The following RC3H2 variants were observed in gnomAD, a reference collection of about 807,000 sequenced individuals.
RC3H2 encodes the protein roquin-2.
In RC3H2, 31 loss-of-function variants were observed where a neutral mutation model predicts 133.3. That is an observed-to-expected ratio of 0.23 (90% CI 0.17 to 0.31). The LOEUF (loss-of-function observed/expected upper bound fraction) is 0.31. Ranked by LOEUF, RC3H2 falls within the 10% of genes least tolerant of loss-of-function variation. RC3H2 has a pLI of 1.00. For missense variants in RC3H2, 1,175 were observed against 1,437.2 expected (o/e 0.82, Z 2.95); for synonymous variants, 517 against 502.2 (o/e 1.03, Z -0.40).
At chr9:122,901,327 A>G (rs1026105727) in intron 1 of RC3H2, among the ~76,000 whole-genome samples, 3 of 152,228 alleles carry the variant, frequency 2.0e-5, no homozygotes, top group African/African-American at 7.2e-5. Context: ...TTGTTCTTAA[A>G]AAATGATATT....
chr9:122,887,741 C>CTTTTTTTTTTTTTTTTTTTT (rs112010654), intron 4 of RC3H2, among the ~76,000 whole-genome samples: 1 of 118,056 alleles, frequency 8.5e-6, no homozygotes, highest in Non-Finnish European at 1.7e-5. Context: ...ATACTTGTAT[C>CTTTTTTTTTTTTTTTTTTTT]TTTTTTTTTT....
In RC3H2 at chr9:122,845,293, G is replaced by A. The variant is rs966097117; in HGVS notation, c.*4334C>T. 1.3e-5 allele frequency: 2 copies of A among 152,200 alleles called. No homozygotes were observed. Among genetic ancestry groups the A allele is most frequent in the South Asian group, 4.1e-4 (2 of 4,836 alleles). The allele number at this position is 152,200 out of a possible 1,614,324, so 9.4% of individuals were successfully genotyped here. ...ACAGCAGTTGCTGCAAGCTAACCAC[G>A]ATACTCCCAAGTGGCTGTACAGTGG... On this transcript the variant is annotated 3_prime_UTR_variant, in exon 21 of 21. Coordinates refer to ENST00000357244, the MANE Select transcript of RC3H2 (RefSeq NM_001100588.3).
chr9:122,880,189 T>G, intron 6 of RC3H2, 64 bp from the exon 7 acceptor site: 1 of 1,509,974 alleles, frequency 6.6e-7, no homozygotes. Flanking sequence ...ACTCAAATAC[T>G]TTCAATTTAT....
In RC3H2 at chr9:122,851,590, C is replaced by T. The variant is rs552956386; in HGVS notation, c.3118-154G>A. ...TGCTGCCATCTCGGCTCACTGCAAC[C>T]TCCCTGCCTGATTCTCCTGCCTCAG... On this transcript the variant is annotated intron_variant, in intron 18 of 20. Transcript: ENST00000357244. 725 of 983,136 alleles carry T rather than the reference C, an allele frequency of 7.4e-4. 3 individuals are homozygous for T. In the African/African-American group the frequency reaches 0.011, roughly 14 times the overall value. The allele number at this position is 983,136 out of a possible 1,614,324, so 60.9% of individuals were successfully genotyped here.
At chr9:122,861,670 C>T (rs937680217) in intron 10 of RC3H2, among the ~76,000 whole-genome samples, 1 of 152,028 alleles carries the variant, frequency 6.6e-6, no homozygotes, top group East Asian at 1.9e-4. Flanking sequence ...TGCAGGAACT[C>T]AATACATTGC....
chr9:122,850,986 C>T, intron 20 of RC3H2, 95 bp downstream of exon 20: 1 of 1,328,088 alleles, frequency 7.5e-7, no homozygotes, highest in Non-Finnish European at 1.1e-6. Flanking sequence ...ATAAGGTCTT[C>T]CCCTCACAGC....
At chr9:122,903,796 G>A (rs2131517934) in intron 1 of RC3H2, among the ~76,000 whole-genome samples, 1 of 152,324 alleles carries the variant, frequency 6.6e-6, no homozygotes, top group Non-Finnish European at 1.5e-5. Flanking sequence ...TTAACAGGAT[G>A]TAACGACCTC....
At chr9:122,881,362 C>A (rs912975363) in intron 5 of RC3H2, among the ~76,000 whole-genome samples, 1 of 149,366 alleles carries the variant, frequency 6.7e-6, no homozygotes. Flanking sequence ...TGGTGGCAGG[C>A]GCCTGTACTC....
rs1230763114 is a variant in RC3H2, at chr9:122,847,501, G to A, written c.*2126C>T. ...TAAATATCCATGAAATAGACAGACT[G>A]GTTTGCATATCCTTTTTGGAATTAC... is the stretch of plus-strand genomic sequence containing the variant. On this transcript the variant is annotated 3_prime_UTR_variant, in exon 21 of 21. Transcript: ENST00000357244. 2 of 151,900 alleles carry A rather than the reference G, an allele frequency of 1.3e-5. No individual in the cohort carries two copies. Among genetic ancestry groups the A allele is most frequent in the Non-Finnish European group, 1.5e-5 (1 of 67,920 alleles). 9.4% of individuals were successfully genotyped at this position (151,900 alleles called of 1,614,324 possible).
rs780746827 is a variant in RC3H2 at position 122,851,412 on chromosome 9, C to T, written c.3142G>A (p.Ala1048Thr). 1.2e-6 allele frequency: 2 copies of T among 1,614,100 alleles called. No homozygotes were observed. Among genetic ancestry groups the T allele is most frequent in the East Asian group, 2.2e-5 (1 of 44,884 alleles). ...GELQSDYTED[A>T]TDTKPDRDIE... ...TCCCTATCAGGTTTAGTATCTGTTGCATCTTCTGTATAATCACTCTGTAAC... is the reference window on the plus strand; with the variant it reads ...TCCCTATCAGGTTTAGTATCTGTTGTATCTTCTGTATAATCACTCTGTAAC... Residue 1048 changes from alanine (A) to threonine (T), a missense_variant, in exon 19 of 21, where the codon GCA becomes ACA. Ala to Thr is a moderately conservative substitution (Grantham distance 58, BLOSUM62 0). Around this residue, in one of 8 missense-constraint regions of RC3H2, gnomAD observed 220 missense variants for 201.1 expected, o/e 1.09. Transcript: ENST00000357244.
chr9:122,871,517 G>T (rs1171162042), intron 9 of RC3H2, among the ~76,000 whole-genome samples: 4 of 148,792 alleles, frequency 2.7e-5, no homozygotes, highest in Admixed American at 6.7e-5. Flanking sequence ...GGGGGGGGGG[G>T]TTTCATCGTG....
intron 12 of RC3H2, 36 bp downstream of exon 12, chr9:122,858,633 T>C (rs751998148): frequency 1.3e-6 from 2 of 1,553,386 alleles, no homozygotes; most frequent in South Asian, 1.1e-5. Context: ...GACACTGGGC[T>C]GTTAATGACT....
At chr9:122,898,968 T>C (rs1832539708) in intron 1 of RC3H2, among the ~76,000 whole-genome samples, 3 of 151,518 alleles carry the variant, frequency 2.0e-5, no homozygotes, top group African/African-American at 7.3e-5. Flanking sequence ...CCAACCCAAA[T>C]ATATTAGTTC....
At chr9:122,853,394 A>AAG (rs1554767394) in intron 18 of RC3H2, among the ~76,000 whole-genome samples, 7 of 150,932 alleles carry the variant, frequency 4.6e-5, no homozygotes, top group African/African-American at 9.8e-5. Flanking sequence ...AAAAAAAAAA[A>AAG]AAAGAAAAAT....
At chr9:122,871,012 C>T (rs1831062864) in intron 9 of RC3H2, among the ~76,000 whole-genome samples, 1 of 152,174 alleles carries the variant, frequency 6.6e-6, no homozygotes, top group Admixed American at 6.5e-5. Context: ...CCACTTTCAA[C>T]CACCCCTCCT....
In RC3H2 at chr9:122,848,100, T is replaced by C. The variant is rs893326976; in HGVS notation, c.*1527A>G. The C allele has an allele frequency of 6.6e-6, 1 of 152,110 alleles. No individual in the cohort carries two copies. Among genetic ancestry groups the C allele is most frequent in the Non-Finnish European group, 1.5e-5 (1 of 67,994 alleles). 9.4% of individuals were successfully genotyped at this position (152,110 alleles called of 1,614,324 possible). ...GCTGTGGTTTTGTAAAACAACTAAA[T>C]AGCTCAGACGACCAATAACATGATC... On this transcript the variant is annotated 3_prime_UTR_variant, in exon 21 of 21. Transcript: ENST00000357244.
rs1173162877 is a variant in RC3H2, at chr9:122,855,401, T to A, written c.2602-4A>T. On this transcript the variant is annotated splice_region_variant and splice_polypyrimidine_tract_variant and intron_variant, in intron 14 of 20. Coordinates refer to ENST00000357244, the MANE Select transcript of RC3H2 (RefSeq NM_001100588.3). ...TAACATCACCACTGTCCAGGTCCTA[T>A]GTAAACCAAAGAAAATCAATAAAAG... 1 of 1,610,942 alleles carries A rather than the reference T, an allele frequency of 6.2e-7. No homozygotes were observed. Among genetic ancestry groups the A allele is most frequent in the Non-Finnish European group, 8.5e-7 (1 of 1,178,342 alleles).
At chr9:122,904,697 T>C (rs753950450) in intron 1 of RC3H2, among the ~76,000 whole-genome samples, 74 of 152,068 alleles carry the variant, frequency 4.9e-4, no homozygotes, top group Non-Finnish European at 6.5e-4. Context: ...CACCACCCTC[T>C]ACGCTAGGGT....
At chr9:122,883,134 G>T in intron 5 of RC3H2, 70 bp downstream of exon 5, 4 of 1,438,668 alleles carry the variant, frequency 2.8e-6, no homozygotes, top group Non-Finnish European at 3.8e-6. Flanking sequence ...CTCTAGACTG[G>T]GTAACATGAA....
Sources: allele counts gnomAD v4.1 joint callset (sites outside exome capture counted in the v4.1 genomes callset), GRCh38; gene constraint gnomAD v4.1.1; regional missense constraint gnomAD v4.1.1; transcripts MANE v1.5; gene names NCBI Gene and HGNC (gene_info 2026-07-23, HGNC 2026-07-21).